Variants in FOXN3 observed in about 807,000 individuals in gnomAD.
The protein encoded by FOXN3 is forkhead box protein N3.
In FOXN3, 7 loss-of-function variants were observed where a neutral mutation model predicts 38.4. The observed-to-expected ratio is 0.18, with a 90% confidence interval of 0.10 to 0.34. The LOEUF (loss-of-function observed/expected upper bound fraction) is 0.34, where lower values mean the gene tolerates loss of function less well. Ranked by LOEUF, FOXN3 falls within the 10% of genes least tolerant of loss-of-function variation. The pLI is 1.00. For missense variants in FOXN3, 456 were observed against 613.4 expected (o/e 0.74, Z 2.71); for synonymous variants, 230 against 242.2 (o/e 0.95, Z 0.47).
At chr14:89,610,245 T>C (rs1596332391) in intron 1 of FOXN3, among the ~76,000 whole-genome samples, 1 of 152,226 alleles carries the variant, frequency 6.6e-6, no homozygotes, top group Non-Finnish European at 1.5e-5. Context: ...AACTGCCACC[T>C]GCTACCAACG....
intron 1 of FOXN3, among the ~76,000 whole-genome samples, chr14:89,439,377 G>A (rs1367251927): frequency 1.3e-5 from 2 of 152,302 alleles, no homozygotes; most frequent in East Asian, 3.9e-4. Flanking sequence ...TAAAAACTCT[G>A]CTGATAAAAC....
intron 4 of FOXN3, among the ~76,000 whole-genome samples, chr14:89,201,650 G>A (rs1349442336): frequency 2.6e-5 from 4 of 152,176 alleles, no homozygotes; most frequent in Admixed American, 1.3e-4. Context: ...CAGAGTATAG[G>A]GGCCTGGGCA....
At chr14:89,251,050 A>C (rs1327294402) in intron 4 of FOXN3, among the ~76,000 whole-genome samples, 1 of 152,210 alleles carries the variant, frequency 6.6e-6, no homozygotes, top group Non-Finnish European at 1.5e-5. Flanking sequence ...CACAGCACTG[A>C]CTGGAAAAAA....
At chr14:89,402,057 T>C (rs1282453267) in intron 2 of FOXN3, among the ~76,000 whole-genome samples, 3 of 152,230 alleles carry the variant, frequency 2.0e-5, no homozygotes, top group Admixed American at 6.5e-5. Context: ...TAATCTTACA[T>C]AGCAATCCAT....
chr14:89,386,839 C>T (rs879875279), intron 2 of FOXN3, among the ~76,000 whole-genome samples: 1 of 152,152 alleles, frequency 6.6e-6, no homozygotes, highest in African/African-American at 2.4e-5. Context: ...CCTTGGTGTG[C>T]GTGCATGAAT....
chr14:89,345,917 A>T lies in FOXN3; in HGVS notation c.680+4755T>A, dbSNP rs186159548. Among the ~76,000 whole-genome samples the T allele has an allele frequency of 7.0e-4, 107 of 152,212 alleles. No individual in the cohort carries two copies. The South Asian group carries it at 8.3e-3, about 12-fold the overall frequency. ...AAACCACAAAAATTAGCAGGGCTTC[A>T]TGGTAGGTGCCTGTAATCCCAGCTA... On this transcript the variant is annotated intron_variant, in intron 3 of 5. Coordinates refer to ENST00000557258, the MANE Select transcript of FOXN3 (RefSeq NM_005197.4).
chr14:89,557,917 A>T (rs543074752), intron 1 of FOXN3, among the ~76,000 whole-genome samples: 1 of 152,216 alleles, frequency 6.6e-6, no homozygotes, highest in East Asian at 1.9e-4. Context: ...GAGGCAGGAG[A>T]ATCACTTGAA....
chr14:89,488,938 T>C (rs1893511510), intron 1 of FOXN3, among the ~76,000 whole-genome samples: 1 of 152,074 alleles, frequency 6.6e-6, no homozygotes, highest in African/African-American at 2.4e-5. Flanking sequence ...AATTAATACA[T>C]CTCCAATTAG....
chr14:89,363,983 TATATA>T (rs1566969021), intron 2 of FOXN3, among the ~76,000 whole-genome samples: 10 of 93,296 alleles, frequency 1.1e-4, no homozygotes, highest in East Asian at 4.8e-4. Flanking sequence ...TATATATATA[TATATA>T]ATATATATAT....
chr14:89,166,691 A>G (rs868677248), intron 5 of FOXN3, among the ~76,000 whole-genome samples: 1 of 152,266 alleles, frequency 6.6e-6, no homozygotes, highest in Non-Finnish European at 1.5e-5. Flanking sequence ...GAATTAAAAT[A>G]TAAATGTCTC....
At chr14:89,588,601 C>A (rs890001802) in intron 1 of FOXN3, among the ~76,000 whole-genome samples, 24 of 152,162 alleles carry the variant, frequency 1.6e-4, no homozygotes, top group African/African-American at 4.3e-4. Flanking sequence ...AGACAACCAG[C>A]AATCCTCCAC....
chr14:89,235,650 T>C (rs1884956789), intron 4 of FOXN3, among the ~76,000 whole-genome samples: 1 of 152,138 alleles, frequency 6.6e-6, no homozygotes, highest in South Asian at 2.1e-4. Context: ...GATAGGGACA[T>C]TATCCTGGAT....
At chr14:89,248,277 T>C (rs896931928) in intron 4 of FOXN3, among the ~76,000 whole-genome samples, 1 of 152,266 alleles carries the variant, frequency 6.6e-6, no homozygotes, top group Admixed American at 6.5e-5. Context: ...TGATATAAAA[T>C]ACGCAGTTTA....
intron 1 of FOXN3, among the ~76,000 whole-genome samples, chr14:89,460,032 G>A (rs1892809234): frequency 1.3e-5 from 2 of 152,184 alleles, no homozygotes; most frequent in Admixed American, 1.3e-4. Flanking sequence ...ATTCTCCTGG[G>A]ATTCCTCAGC....
chr14:89,451,430 G>A (rs373316824), intron 1 of FOXN3, among the ~76,000 whole-genome samples: 4 of 152,282 alleles, frequency 2.6e-5, no homozygotes, highest in Non-Finnish European at 2.9e-5. Context: ...ACCTGCCTAC[G>A]GCCCGTCGGT....
chr14:89,538,825 T>TA (rs1894740064), intron 1 of FOXN3, among the ~76,000 whole-genome samples: 2 of 151,834 alleles, frequency 1.3e-5, no homozygotes, highest in Admixed American at 6.6e-5. Flanking sequence ...GGCCTTTTAT[T>TA]ATTATTATTT....
At chr14:89,405,780 C>T (rs992994967) in intron 2 of FOXN3, among the ~76,000 whole-genome samples, 1 of 152,158 alleles carries the variant, frequency 6.6e-6, no homozygotes, top group African/African-American at 2.4e-5. Context: ...TGGGTTATTT[C>T]AATCCCCTAT....
At chr14:89,491,000 G>A (rs115645981) in intron 1 of FOXN3, among the ~76,000 whole-genome samples, 1,683 of 152,064 alleles carry the variant, frequency 0.011, 34 homozygotes, top group African/African-American at 0.038. Context: ...TTGAGATAGC[G>A]TTTCACCCTT....
intron 2 of FOXN3, among the ~76,000 whole-genome samples, chr14:89,360,698 T>TACCACCACCTCCAGCACCACCTCCACC (rs1566966228): frequency 1.4e-5 from 2 of 143,422 alleles, no homozygotes; most frequent in African/African-American, 2.6e-5. Flanking sequence ...CATCCTCAGC[T>TACCACCACCTCCAGCACCACCTCCACC]ACCACCACCT....
Sources: allele counts gnomAD v4.1 joint callset (sites outside exome capture counted in the v4.1 genomes callset), GRCh38; gene constraint gnomAD v4.1.1; transcripts MANE v1.5; gene names NCBI Gene and HGNC (gene_info 2026-07-23, HGNC 2026-07-21).